The following RAP1GDS1 variants were observed in gnomAD, a reference collection of about 807,000 sequenced individuals.
RAP1GDS1 encodes the protein Rap1 GTPase-GDP dissociation stimulator 1.
RAP1GDS1 carries 35 observed loss-of-function variants against 71.1 expected under a neutral mutation model. The observed-to-expected ratio is 0.49, with a 90% CI of 0.38 to 0.65. RAP1GDS1 has a LOEUF of 0.65. Among genes scored for constraint, RAP1GDS1 ranks in the 30% least tolerant of loss-of-function variants. The pLI is 0.00. For synonymous variants in RAP1GDS1, 229 were observed against 243.1 expected (o/e 0.94, Z 0.54); for missense variants, 663 against 706.1 (o/e 0.94, Z 0.69).
At chr4:98,296,988 GAAGT>G in intron 2 of RAP1GDS1, 1 of 244,246 alleles carries the variant, frequency 4.1e-6, no homozygotes, top group South Asian at 4.2e-5. Flanking sequence ...TCTCCCTGAA[GAAGT>G]AAGCTGTCTT....
intron 1 of RAP1GDS1, among the ~76,000 whole-genome samples, chr4:98,289,554 CAAAAAAAAAAAA>C (rs6148589): frequency 9.8e-6 from 1 of 101,986 alleles, no homozygotes. Flanking sequence ...CTCTGGTAAA[CAAAAAAAAAAAA>C]AAAAAAAAAG....
At chr4:98,431,119 C>T (rs961393183) in intron 12 of RAP1GDS1, among the ~76,000 whole-genome samples, 13 of 152,138 alleles carry the variant, frequency 8.5e-5, no homozygotes, top group Non-Finnish European at 1.5e-4. Context: ...TTTTCTTTAA[C>T]CTTTAAGAGT....
chr4:98,261,453 G>A lies in RAP1GDS1; in HGVS notation c.-113G>A. 2 of 1,113,904 alleles carry A rather than the reference G, an allele frequency of 1.8e-6. No homozygotes were observed. Among genetic ancestry groups the A allele is most frequent in the African/African-American group, 1.6e-5 (1 of 61,116 alleles). 69.0% of individuals were successfully genotyped at this position (1,113,904 alleles called of 1,614,324 possible). A position where few individuals can be genotyped will look rare whatever the true frequency, so the allele number is the denominator to read the frequency against. ...CTCCTCCCCGGCGGCCGCCCCCCGC[G>A]GGTCCCTCCCTGGCTGCGGGAGAGA... On this transcript the variant is annotated 5_prime_UTR_variant, in exon 1 of 15. Coordinates refer to ENST00000408927, the MANE Select transcript of RAP1GDS1 (RefSeq NM_001100427.2).
At chr4:98,282,318 C>G (rs562223455) in intron 1 of RAP1GDS1, among the ~76,000 whole-genome samples, 1 of 152,026 alleles carries the variant, frequency 6.6e-6, no homozygotes, top group Non-Finnish European at 1.5e-5. Flanking sequence ...AGATTCAGCT[C>G]CTTCCTTGTT....
intron 12 of RAP1GDS1, among the ~76,000 whole-genome samples, chr4:98,432,932 A>G (rs944374514): frequency 6.6e-6 from 1 of 151,978 alleles, no homozygotes. Context: ...AGATGGTCTT[A>G]TATGTTTTCT....
chr4:98,279,895 G>A (rs926733262), intron 1 of RAP1GDS1, among the ~76,000 whole-genome samples: 3 of 152,206 alleles, frequency 2.0e-5, no homozygotes, highest in Admixed American at 6.5e-5. Flanking sequence ...TGCTCAGAAT[G>A]ATGGTTTCCA....
intron 5 of RAP1GDS1, among the ~76,000 whole-genome samples, chr4:98,382,258 C>T (rs1434207428): frequency 6.6e-6 from 1 of 151,516 alleles, no homozygotes; most frequent in Non-Finnish European, 1.5e-5. Context: ...GTTATAATTG[C>T]TTAGCCAAAG....
intron 5 of RAP1GDS1, among the ~76,000 whole-genome samples, chr4:98,386,506 G>A (rs1347665011): frequency 2.0e-5 from 3 of 150,688 alleles, no homozygotes; most frequent in Non-Finnish European, 4.4e-5. Flanking sequence ...TTATTTGTTA[G>A]CGACTAGGAA....
intron 3 of RAP1GDS1, among the ~76,000 whole-genome samples, chr4:98,347,308 AAAAG>A (rs1254804813): frequency 5.3e-5 from 8 of 152,324 alleles, no homozygotes; most frequent in Non-Finnish European, 1.0e-4. Context: ...TTGAGAAAGT[AAAAG>A]AAAGAAAGTA....
chr4:98,271,460 A>T (rs1229097433), intron 1 of RAP1GDS1, among the ~76,000 whole-genome samples: 1 of 152,170 alleles, frequency 6.6e-6, no homozygotes, highest in African/African-American at 2.4e-5. Context: ...AGCCGCTAAA[A>T]TAGTGTCACT....
rs979964996 is a variant in RAP1GDS1 at position 98,382,157 on chromosome 4, C to G, written c.508+2994C>G. On this transcript the variant is annotated intron_variant, in intron 5 of 14. Coordinates refer to ENST00000408927, the MANE Select transcript of RAP1GDS1 (RefSeq NM_001100427.2). ...TTTAAACTAGCTCAAGACTCTATAC[C>G]TCTAAGCTATGAGCTGGATATATAC... Among the ~76,000 whole-genome samples, 32 of 151,666 alleles carry G rather than the reference C, an allele frequency of 2.1e-4. 1 individual carries two copies. The highest frequency in any genetic ancestry group is 9.9e-4 in the Admixed American group (15 of 15,178).
rs756460367 is a variant in RAP1GDS1, at chr4:98,261,515, C to T, written c.-51C>T. On this transcript the variant is annotated 5_prime_UTR_variant, in exon 1 of 15. Transcript: ENST00000408927. ...GGAGGACACAGAGCCGCGCCGCCCG[C>T]ACCACAGACCTTCGCCTCGCCCCGC... is the stretch of plus-strand genomic sequence containing the variant. The T allele has an allele frequency of 1.3e-6, 2 of 1,578,128 alleles. No individual in the cohort carries two copies. The highest frequency in any genetic ancestry group is 1.7e-6 in the Non-Finnish European group (2 of 1,158,698).
chr4:98,441,976 T>C lies in RAP1GDS1; in HGVS notation c.1697-14T>C, dbSNP rs1486423165. The C allele has an allele frequency of 6.2e-7, 1 of 1,613,228 alleles. No individual in the cohort carries two copies. Among genetic ancestry groups the C allele is most frequent in the South Asian group, 1.1e-5 (1 of 91,004 alleles). ...ACCTAACAGAATCATATCTGTTATT[T>C]TTTTGTCTTCCAGAATGTCTACACA... is the stretch of plus-strand genomic sequence containing the variant. On this transcript the variant is annotated splice_polypyrimidine_tract_variant and intron_variant, in intron 14 of 14. Transcript: ENST00000408927.
chr4:98,277,885 G>C (rs10029454), intron 1 of RAP1GDS1, among the ~76,000 whole-genome samples: 2 of 152,124 alleles, frequency 1.3e-5, no homozygotes, highest in Non-Finnish European at 2.9e-5. Context: ...TTGTTAAGGA[G>C]ATTTTAGAAA....
chr4:98,428,623 C>G (rs779595875), intron 12 of RAP1GDS1, among the ~76,000 whole-genome samples: 17 of 152,160 alleles, frequency 1.1e-4, no homozygotes, highest in Non-Finnish European at 2.2e-4. Flanking sequence ...CAGGGAAATG[C>G]ACATCAAAAC....
Position 98,315,564 on chromosome 4 carries a change from A to C in RAP1GDS1, c.112+22049A>C, listed in dbSNP as rs537403422. Among the ~76,000 whole-genome samples, 5 of 152,252 alleles carry C rather than the reference A, an allele frequency of 3.3e-5. No homozygotes were observed. In the East Asian group the frequency reaches 7.7e-4, roughly 24 times the overall value. ...AGAACATCCTAAGCAAAGGGAGAGT[A>C]TATACAAAGTCATAGTGGTGAGTAA... On this transcript the variant is annotated intron_variant, in intron 2 of 14. Coordinates refer to ENST00000408927, the MANE Select transcript of RAP1GDS1 (RefSeq NM_001100427.2).
chr4:98,261,601 G>C, intron 1 of RAP1GDS1, 32 bp downstream of exon 1: 1 of 1,595,252 alleles, frequency 6.3e-7, no homozygotes, highest in Non-Finnish European at 8.6e-7. Context: ...GTCATCGCCT[G>C]ACATTTTTTT....
rs76796092 is a variant in RAP1GDS1 at position 98,270,355 on chromosome 4, A to G, written c.4+8786A>G. Among the ~76,000 whole-genome samples, 1,411 of 152,300 alleles carry G rather than the reference A, an allele frequency of 9.3e-3. 23 individuals carry two copies. The highest frequency in any genetic ancestry group is 0.032 in the African/African-American group (1,338 of 41,562). ...GAAACTGAAGTTTGAAATATACTCC[A>G]TATCATTGGTATCTTAAATATAACC... On this transcript the variant is annotated intron_variant, in intron 1 of 14. Coordinates refer to ENST00000408927, the MANE Select transcript of RAP1GDS1 (RefSeq NM_001100427.2).
At chr4:98,338,004 C>T (rs1366873737) in intron 2 of RAP1GDS1, among the ~76,000 whole-genome samples, 3 of 152,042 alleles carry the variant, frequency 2.0e-5, no homozygotes, top group Non-Finnish European at 2.9e-5. Flanking sequence ...ATGAAAGATG[C>T]GGACAGGGCA....
Sources: gnomAD v4.1 joint callset for allele counts (sites outside exome capture counted in the v4.1 genomes callset) on GRCh38, gnomAD v4.1.1 for gene constraint, MANE v1.5 for transcripts, NCBI Gene and HGNC (gene_info 2026-07-23, HGNC 2026-07-21) for gene names.